Variants in TRIM2 observed in about 807,000 individuals in gnomAD.
TRIM2 encodes tripartite motif-containing protein 2.
In TRIM2, 20 loss-of-function variants were observed where a neutral mutation model predicts 75.2. The observed-to-expected ratio is 0.27, with a 90% CI of 0.19 to 0.39. The LOEUF (loss-of-function observed/expected upper bound fraction) is 0.39, where lower values mean the gene tolerates loss of function less well. Among genes scored for constraint, TRIM2 ranks in the 10% least tolerant of loss-of-function variants. TRIM2 has a pLI of 1.00. For missense variants in TRIM2, 660 were observed against 990.8 expected (o/e 0.67, Z 4.48); for synonymous variants, 373 against 388.3 (o/e 0.96, Z 0.46).
intron 1 of TRIM2, among the ~76,000 whole-genome samples, chr4:153,244,319 C>CTCCTCTTCCTCT (rs1553972979): frequency 1.9e-4 from 4 of 21,140 alleles, no homozygotes; most frequent in Non-Finnish European, 3.1e-4. Flanking sequence ...CCTCCTCCTC[C>CTCCTCTTCCTCT]TCTTCTTCTT....
chr4:153,178,364 G>C (rs529726934), intron 1 of TRIM2, among the ~76,000 whole-genome samples: 1 of 152,274 alleles, frequency 6.6e-6, no homozygotes, highest in Non-Finnish European at 1.5e-5. Context: ...ACCAGTTACT[G>C]TACTTGAAGG....
rs777739975 is a variant in TRIM2, at chr4:153,295,970, G to T, written c.1444G>T (p.Ala482Ser). 27 of 1,567,180 alleles carry T rather than the reference G, an allele frequency of 1.7e-5. No homozygotes were observed. Among genetic ancestry groups the T allele is most frequent in the South Asian group, 3.7e-5 (3 of 81,824 alleles). The change falls in exon 6 of 12, where the codon GCA (alanine) becomes TCA (serine). Residue 482 changes from alanine to serine, a missense_variant. Physicochemically the swap from Ala to Ser is moderately conservative, Grantham distance 99. This residue lies in a region of TRIM2 where 620 missense variants were observed against 891.0 expected (regional missense o/e 0.70). Transcript: ENST00000338700. The surrounding 1 kb of genome is among the most constrained non-coding windows in gnomAD (Gnocchi z 7.2). ...CAAGCAGAAAGCTGTGAAAAGACCC[G>T]CAAGCATGTACAGCACTGGAAAACG... ...HVKQKAVKRPASMYSTGKRKE... is the reference protein window; with the variant it reads ...HVKQKAVKRPSSMYSTGKRKE...
chr4:153,271,630 T>C (rs1255859264), intron 2 of TRIM2, among the ~76,000 whole-genome samples: 1 of 152,108 alleles, frequency 6.6e-6, no homozygotes, highest in East Asian at 1.9e-4. Context: ...AGTGGTGGTA[T>C]ATAGGGCACT....
At position 153,292,814 on chromosome 4, in the gene TRIM2, C is replaced by G. The variant is rs116774635; in HGVS notation, c.454-168C>G. Among the ~76,000 whole-genome samples the G allele has an allele frequency of 7.1e-3, 1,076 of 152,310 alleles. 15 individuals carry two copies. Among genetic ancestry groups the G allele is most frequent in the African/African-American group, 0.024 (999 of 41,560 alleles). ...AGTCAGCTCCATTTCTGAGACCTGTCACATAAAAATGTGTCCTTCCTTTTC... is the reference window on the plus strand; with the variant it reads ...AGTCAGCTCCATTTCTGAGACCTGTGACATAAAAATGTGTCCTTCCTTTTC... On this transcript the variant is annotated intron_variant, in intron 3 of 11. Coordinates refer to ENST00000338700, the MANE Select transcript of TRIM2 (RefSeq NM_015271.5).
chr4:153,294,801 C>G (rs1035128648), intron 5 of TRIM2, among the ~76,000 whole-genome samples: 24 of 152,200 alleles, frequency 1.6e-4, no homozygotes, highest in Non-Finnish European at 3.5e-4. Flanking sequence ...ATTGCTCTCT[C>G]ACCCACACCA....
rs1165806689 is a variant in TRIM2, at chr4:153,182,737, T to C, written c.-49+29467T>C. ...GAATAACCTAATACTTGGGTTAAAT[T>C]ATTTAAAATGTTACTTAGATTCTCC... On this transcript the variant is annotated intron_variant, in intron 1 of 11. Coordinates refer to the TRIM2 transcript ENST00000437508. Among the ~76,000 whole-genome samples, 4 of 152,222 alleles carry C rather than the reference T, an allele frequency of 2.6e-5. No homozygotes were observed. The East Asian group carries it at 7.7e-4, about 29-fold the overall frequency.
chr4:153,206,056 C>T (rs1735342944), intron 1 of TRIM2, among the ~76,000 whole-genome samples: 1 of 152,182 alleles, frequency 6.6e-6, no homozygotes, highest in Non-Finnish European at 1.5e-5. Flanking sequence ...CATCATTCAC[C>T]CTCCAGGCCC....
chr4:153,195,711 G>C (rs1733696640), intron 1 of TRIM2, among the ~76,000 whole-genome samples: 2 of 152,070 alleles, frequency 1.3e-5, no homozygotes, highest in African/African-American at 4.8e-5. Context: ...ACTGTATTTT[G>C]TTTCCGCTGT....
upstream of TRIM2, among the ~76,000 whole-genome samples, chr4:153,203,433 G>A (rs569020783): frequency 1.6e-3 from 205 of 131,308 alleles, 3 homozygotes; most frequent in South Asian, 0.05. Context: ...ACACACACAC[G>A]AAGAAGAACA....
chr4:153,288,379 G>A (rs1761127795), intron 3 of TRIM2, among the ~76,000 whole-genome samples: 1 of 152,152 alleles, frequency 6.6e-6, no homozygotes, highest in Non-Finnish European at 1.5e-5. Flanking sequence ...AGAGGTTGCA[G>A]TGAGCCAAGA....
intron 1 of TRIM2, among the ~76,000 whole-genome samples, chr4:153,263,732 C>T (rs1168785268): frequency 3.3e-5 from 5 of 152,230 alleles, no homozygotes; most frequent in African/African-American, 1.2e-4. Context: ...TGTATTGTCT[C>T]ACAGTTCTAG....
chr4:153,167,481 A>G (rs1730432859), intron 1 of TRIM2, among the ~76,000 whole-genome samples: 1 of 152,210 alleles, frequency 6.6e-6, no homozygotes, highest in South Asian at 2.1e-4. Context: ...TGAAAATTTT[A>G]TATTACAAAA....
At chr4:153,286,525 C>T (rs1259614788) in intron 3 of TRIM2, among the ~76,000 whole-genome samples, 1 of 152,050 alleles carries the variant, frequency 6.6e-6, no homozygotes, top group Non-Finnish European at 1.5e-5. Context: ...TCTATTCAGA[C>T]TTTGTATTTC....
At chr4:153,240,808 G>A (rs1403093488) in intron 1 of TRIM2, among the ~76,000 whole-genome samples, 1 of 152,226 alleles carries the variant, frequency 6.6e-6, no homozygotes, top group African/African-American at 2.4e-5. Context: ...GCCGGGCGTG[G>A]TGGCTCACGC....
chr4:153,296,742 G>A (rs1307656132), intron 6 of TRIM2, among the ~76,000 whole-genome samples: 1 of 152,202 alleles, frequency 6.6e-6, no homozygotes, highest in Admixed American at 6.5e-5. Flanking sequence ...AACTTTCTAT[G>A]TTCTCAGTAG....
At chr4:153,194,457 G>A (rs1056638776) in intron 1 of TRIM2, among the ~76,000 whole-genome samples, 3 of 152,010 alleles carry the variant, frequency 2.0e-5, no homozygotes, top group African/African-American at 7.2e-5. Context: ...AAATGATTAA[G>A]TGGAATGAAA....
In TRIM2 at chr4:153,240,313, C is replaced by A. The variant is rs187238284; in HGVS notation, c.31-30022C>A. ...TTAATAATATTGCAAATACCTGAAG[C>A]CAGGCAATAAAAGTAAGACACAATA... On this transcript the variant is annotated intron_variant, in intron 1 of 11. Transcript: ENST00000338700. Among the ~76,000 whole-genome samples the A allele has an allele frequency of 2.6e-5, 4 of 152,182 alleles. No individual in the cohort carries two copies. In the East Asian group the frequency reaches 7.7e-4, roughly 29 times the overall value.
chr4:153,196,184 G>A (rs571848235), intron 1 of TRIM2, among the ~76,000 whole-genome samples: 44 of 152,244 alleles, frequency 2.9e-4, no homozygotes, highest in African/African-American at 7.7e-4. Context: ...CCAGCACGTC[G>A]GGAGGCTGAG....
chr4:153,172,215 T>A (rs924680652), intron 1 of TRIM2, among the ~76,000 whole-genome samples: 4 of 151,972 alleles, frequency 2.6e-5, no homozygotes, highest in African/African-American at 9.7e-5. Flanking sequence ...TGAGACAGAG[T>A]CTTGCTCTTT....
Sources: allele counts gnomAD v4.1 joint callset (sites outside exome capture counted in the v4.1 genomes callset), GRCh38; gene constraint gnomAD v4.1.1; regional missense constraint gnomAD v4.1.1; non-coding constraint Gnocchi (gnomAD v3.1); transcripts MANE v1.5; gene names NCBI Gene and HGNC (gene_info 2026-07-23, HGNC 2026-07-21).